ATRN: variants seen among roughly 807,000 people sequenced by gnomAD.
ATRN encodes the protein attractin-2.
A neutral mutation model predicts 178.7 loss-of-function variants in ATRN; 54 were observed. The ratio of observed to expected loss-of-function variants is 0.30; its 90% confidence interval spans 0.24 to 0.38. The LOEUF is 0.38. ATRN is among the 10% of genes least tolerant of loss of function. The pLI, the probability that ATRN is intolerant of heterozygous loss-of-function variation, is 1.00. For missense variants in ATRN, 1,443 were observed against 1,815.1 expected (o/e 0.79, Z 3.73); for synonymous variants, 636 against 663.0 (o/e 0.96, Z 0.63).
intron 16 of ATRN, 80 bp downstream of exon 16, chr20:3,582,434 G>T: frequency 7.9e-7 from 1 of 1,261,214 alleles, no homozygotes. Context: ...TTGCTGAGAT[G>T]TGTGAAGTAG....
intron 27 of ATRN, 69 bp downstream of exon 27, chr20:3,639,004 CAG>C: frequency 7.8e-7 from 1 of 1,275,950 alleles, no homozygotes; most frequent in South Asian, 1.3e-5. Context: ...TCTGGGAAAC[CAG>C]AGAGAGCAAA....
intron 6 of ATRN, among the ~76,000 whole-genome samples, chr20:3,556,618 T>G (rs929906877): frequency 1.3e-5 from 2 of 152,346 alleles, no homozygotes; most frequent in East Asian, 3.9e-4. Flanking sequence ...CTGGAATCTA[T>G]CTTTGCTTAT....
chr20:3,597,315 A>G (rs1265553538), intron 21 of ATRN, among the ~76,000 whole-genome samples: 3 of 152,268 alleles, frequency 2.0e-5, no homozygotes, highest in East Asian at 3.9e-4. Context: ...AACTCTTACA[A>G]CTGAATAAGA....
intron 1 of ATRN, among the ~76,000 whole-genome samples, chr20:3,480,828 T>C (rs2084610004): frequency 6.6e-6 from 1 of 152,198 alleles, no homozygotes; most frequent in South Asian, 2.1e-4. Flanking sequence ...AATACATTTG[T>C]AGGTTATTTT....
At chr20:3,534,715 A>G (rs151516) in intron 1 of ATRN, among the ~76,000 whole-genome samples, 40,709 of 152,100 alleles carry the variant, frequency 0.27, 6,004 homozygotes, top group African/African-American at 0.33. Context: ...ATGCCTGTAA[A>G]CCCAGCATTT....
intron 11 of ATRN, 116 bp downstream of exon 11, chr20:3,565,548 A>C (rs561126174): frequency 1.2e-6 from 1 of 804,264 alleles, no homozygotes; most frequent in African/African-American, 1.7e-5. Flanking sequence ...CGGGTGGAAT[A>C]CGAGGTCAGG....
chr20:3,544,154 G>A (rs1375534226), intron 3 of ATRN, among the ~76,000 whole-genome samples: 10 of 152,110 alleles, frequency 6.6e-5, no homozygotes, highest in Admixed American at 6.5e-4. Context: ...ATTTATATAG[G>A]TATGTGTAAG....
chr20:3,623,060 G>A (rs1014177074), intron 24 of ATRN, among the ~76,000 whole-genome samples: 13 of 152,286 alleles, frequency 8.5e-5, no homozygotes, highest in African/African-American at 2.6e-4. Flanking sequence ...CACACTTAAC[G>A]TTTTAAAAGA....
intron 27 of ATRN, 136 bp from the exon 28 acceptor site, chr20:3,644,018 A>T: frequency 1.6e-6 from 1 of 639,460 alleles, no homozygotes; most frequent in Non-Finnish European, 2.8e-6. Flanking sequence ...GCCCTTTTTC[A>T]TTATCTTAAA....
At position 3,604,382 on chromosome 20, in the gene ATRN, C is replaced by T. The variant is rs114583344; in HGVS notation, c.3801+120C>T. ...GTGCAATGTGGCTTTGCCTTTGTAA[C>T]GTGTATGGCAGAGGAGTGCTGAGCA... On this transcript the variant is annotated intron_variant, in intron 24 of 28. Coordinates refer to ENST00000262919, the MANE Select transcript of ATRN (RefSeq NM_139321.3). The T allele has an allele frequency of 1.2e-3, 1,372 of 1,175,136 alleles. 11 individuals are homozygous for T. The African/African-American group carries it at 0.019, about 16-fold the overall frequency. The allele number at this position is 1,175,136 out of a possible 1,614,324, so 72.8% of individuals were successfully genotyped here.
At chr20:3,552,468 A>C (rs1446539423) in intron 6 of ATRN, among the ~76,000 whole-genome samples, 4 of 152,016 alleles carry the variant, frequency 2.6e-5, no homozygotes, top group Admixed American at 2.6e-4. Context: ...CCTTCTATTT[A>C]CTTAAGGCAG....
rs568453198 is a variant in ATRN, at chr20:3,530,855, A to G, written c.411-4398A>G. 3.3e-5 allele frequency among the ~76,000 whole-genome samples: 5 copies of G among 152,286 alleles called. No individual in the cohort carries two copies. In the South Asian group the frequency reaches 8.3e-4, roughly 25 times the overall value. ...ACTGGTAAAGTAGAAAGAAATAACTATGAGACGAGTCCTTTGAAACCTGCC... is the reference window on the plus strand; with the variant it reads ...ACTGGTAAAGTAGAAAGAAATAACTGTGAGACGAGTCCTTTGAAACCTGCC... On this transcript the variant is annotated intron_variant, in intron 1 of 28. Transcript: ENST00000262919.
chr20:3,615,824 A>G (rs1156936586), intron 24 of ATRN: 2 of 455,106 alleles, frequency 4.4e-6, no homozygotes, highest in Admixed American at 2.4e-5. Context: ...GTTCTCATTC[A>G]TAGGTGCAAA....
rs2084481509 is a variant in ATRN, at chr20:3,474,334, T to TA, written c.410+2818dup. The stretch of plus-strand genomic sequence containing the variant: ...ACAATTATGACTTTGGTCCTGATGA[T>TA]ACCATTATATTTTGTGGGCTTTGGG... On this transcript the variant is annotated intron_variant, in intron 1 of 28. Coordinates refer to ENST00000262919, the MANE Select transcript of ATRN (RefSeq NM_139321.3). 4.6e-5 allele frequency among the ~76,000 whole-genome samples: 7 copies of TA among 152,268 alleles called. No individual in the cohort carries two copies. The South Asian group carries it at 1.5e-3, about 32-fold the overall frequency.
intron 23 of ATRN, among the ~76,000 whole-genome samples, chr20:3,601,641 T>C (rs1477851554): frequency 6.7e-6 from 1 of 148,882 alleles, no homozygotes; most frequent in East Asian, 2.0e-4. Flanking sequence ...GGCAGGAGGA[T>C]TGCTTGAGCT....
chr20:3,614,300 G>T (rs1283091255), intron 24 of ATRN, among the ~76,000 whole-genome samples: 1 of 152,190 alleles, frequency 6.6e-6, no homozygotes, highest in African/African-American at 2.4e-5. Flanking sequence ...TTGGGGGCGT[G>T]GGCGGTAGGT....
chr20:3,537,894 CTTTAT>C (rs916341157), intron 2 of ATRN, among the ~76,000 whole-genome samples: 2 of 144,768 alleles, frequency 1.4e-5, no homozygotes, highest in East Asian at 2.0e-4. Context: ...GCCTCATTTT[CTTTAT>C]TTTATTTTAT....
At chr20:3,584,953 G>T in intron 18 of ATRN, 73 bp downstream of exon 18, 4 of 1,414,098 alleles carry the variant, frequency 2.8e-6, no homozygotes, top group Non-Finnish European at 4.0e-6. Context: ...TGAAAGCTAC[G>T]TTGTGTATAT....
intron 1 of ATRN, among the ~76,000 whole-genome samples, chr20:3,526,935 T>C (rs1231301900): frequency 1.3e-5 from 2 of 152,110 alleles, no homozygotes. Context: ...TAATTGAAGA[T>C]GGATTAAAGA....
Sources: gnomAD v4.1 joint callset for allele counts (sites outside exome capture counted in the v4.1 genomes callset) on GRCh38, gnomAD v4.1.1 for gene constraint, MANE v1.5 for transcripts, NCBI Gene and HGNC (gene_info 2026-07-23, HGNC 2026-07-21) for gene names.